Variants in PHKA2 observed in about 807,000 individuals in gnomAD.
PHKA2 encodes phosphorylase b kinase regulatory subunit alpha, liver isoform.
Under a neutral mutation model 102.0 loss-of-function variants are expected in PHKA2, and 31 were observed. That is an observed-to-expected ratio of 0.30 (90% CI 0.23 to 0.41). The LOEUF (loss-of-function observed/expected upper bound fraction) is 0.41. Ranked by LOEUF, PHKA2 falls within the 10% of genes least tolerant of loss-of-function variation. The pLI, the probability that PHKA2 is intolerant of heterozygous loss-of-function variation, is 1.00. For synonymous variants in PHKA2, 455 were observed against 416.2 expected, an observed-to-expected ratio of 1.09 and a Z score of -1.13; for missense variants, 858 against 1,023.1, an observed-to-expected ratio of 0.84 and a Z score of 2.20.
chrX:18,978,934 G>A (rs1289329613), intron 1 of PHKA2, among the ~76,000 whole-genome samples: 2 of 110,186 alleles, frequency 1.8e-5, no homozygotes, highest in Non-Finnish European at 3.8e-5. Flanking sequence ...GAGGTCAGGA[G>A]TTCAAGACCA....
chrX:18,921,964 C>T (rs1285557714), intron 17 of PHKA2, among the ~76,000 whole-genome samples: 5 of 112,548 alleles, frequency 4.4e-5, no homozygotes, highest in African/African-American at 6.5e-5. Flanking sequence ...ATTTATTTTG[C>T]GGCTGGGCAC....
At chrX:18,923,934 C>T (rs2048167125) in intron 17 of PHKA2, 122 bp downstream of exon 17, 2 of 569,033 alleles carry the variant, frequency 3.5e-6, no homozygotes, top group Non-Finnish European at 6.2e-6. Flanking sequence ...TACCTTCCTG[C>T]TTACTCTAAA....
intron 1 of PHKA2, among the ~76,000 whole-genome samples, chrX:18,983,642 T>C (rs1436684499): frequency 8.9e-6 from 1 of 112,362 alleles, no homozygotes; most frequent in Non-Finnish European, 1.9e-5. Flanking sequence ...CAAAGAATTC[T>C]GTGAAAAGTA....
chrX:18,893,806 T>C (rs1253087195), intron 32 of PHKA2, 151 bp from the exon 33 acceptor site: 5 of 543,302 alleles, frequency 9.2e-6, no homozygotes, highest in African/African-American at 6.8e-5. Flanking sequence ...TCTGAGGGCA[T>C]GAGGGCACGA....
At chrX:18,975,734 C>G (rs1208537636) in intron 1 of PHKA2, among the ~76,000 whole-genome samples, 1 of 111,048 alleles carries the variant, frequency 9.0e-6, no homozygotes, top group East Asian at 2.8e-4. Context: ...CTCCAAATCT[C>G]ACCATTCCAC....
At chrX:18,947,182 A>G (rs1304353384) in intron 5 of PHKA2, among the ~76,000 whole-genome samples, 1 of 112,256 alleles carries the variant, frequency 8.9e-6, no homozygotes, top group Non-Finnish European at 1.9e-5. Flanking sequence ...ACAAAGGCAG[A>G]GCCAAGTAGC....
intron 19 of PHKA2, among the ~76,000 whole-genome samples, chrX:18,911,996 C>T (rs770683923): frequency 2.7e-5 from 3 of 111,955 alleles, no homozygotes; most frequent in African/African-American, 9.7e-5. Flanking sequence ...GGCAGTAGGG[C>T]TTGTTTTTCA....
chrX:18,962,975 G>C (rs1336482832), intron 1 of PHKA2, among the ~76,000 whole-genome samples: 1 of 112,384 alleles, frequency 8.9e-6, no homozygotes, highest in Non-Finnish European at 1.9e-5. Context: ...GTTAAGGGGA[G>C]GCTTCAAAGA....
intron 19 of PHKA2, among the ~76,000 whole-genome samples, chrX:18,914,979 A>G (rs1313282248): frequency 8.9e-6 from 1 of 111,890 alleles, no homozygotes; most frequent in African/African-American, 3.3e-5. Context: ...GGGAATGGAA[A>G]CCATTCAAAG....
chrX:18,944,853 C>T lies in PHKA2; in HGVS notation c.618+225G>A, dbSNP rs73443463. On this transcript the variant is annotated intron_variant, in intron 6 of 32. Coordinates refer to ENST00000379942, the MANE Select transcript of PHKA2 (RefSeq NM_000292.3). ...GGGTGATGGCAGCAGCTAACCAGGA[C>T]GGAGCACTCTTACTTTCTGCCATGG... Among the ~76,000 whole-genome samples the T allele has an allele frequency of 5.4e-3, 605 of 112,346 alleles. 5 individuals are homozygous for T. The highest frequency in any genetic ancestry group is 0.018 in the African/African-American group (547 of 30,948).
chrX:18,972,334 G>A (rs1356838753), intron 1 of PHKA2, among the ~76,000 whole-genome samples: 1 of 112,181 alleles, frequency 8.9e-6, no homozygotes, highest in Non-Finnish European at 1.9e-5. Context: ...AATCTGGTAA[G>A]GCATTCCTTC....
intron 29 of PHKA2, chrX:18,897,577 C>A (rs1271673494): frequency 2.4e-6 from 1 of 412,740 alleles, no homozygotes; most frequent in Non-Finnish European, 4.2e-6. Context: ...GTCCCACCCC[C>A]AAAGCTAGAA....
chrX:18,964,572 G>A, intron 1 of PHKA2, among the ~76,000 whole-genome samples: 1 of 112,407 alleles, frequency 8.9e-6, no homozygotes, highest in Non-Finnish European at 1.9e-5. Context: ...GAAAAATCCT[G>A]TTACAATAAC....
chrX:18,922,737 C>T (rs933246063), intron 17 of PHKA2, among the ~76,000 whole-genome samples: 1 of 111,508 alleles, frequency 9.0e-6, no homozygotes, highest in African/African-American at 3.3e-5. Flanking sequence ...AATGGGTGTA[C>T]AGTTTTACTT....
intron 1 of PHKA2, among the ~76,000 whole-genome samples, chrX:18,958,860 C>T (rs967428382): frequency 9.0e-6 from 1 of 111,118 alleles, no homozygotes; most frequent in Non-Finnish European, 1.9e-5. Context: ...CAGGCACATG[C>T]CACCACACCC....
At chrX:18,896,739 T>G in intron 30 of PHKA2, 1 of 212,080 alleles carries the variant, frequency 4.7e-6, no homozygotes, top group Non-Finnish European at 8.8e-6. Context: ...TTTTACAGGG[T>G]TTTCATCTGA....
At chrX:18,907,322 C>T (rs758641803) in intron 22 of PHKA2, among the ~76,000 whole-genome samples, 3 of 112,603 alleles carry the variant, frequency 2.7e-5, no homozygotes, top group South Asian at 7.4e-4. Context: ...TGTGTGGCCC[C>T]AAGCCTGGCT....
In PHKA2 at chrX:18,906,501, A is replaced by C. The variant is rs1296491621; in HGVS notation, c.2800T>G (p.Cys934Gly). 7.4e-6 allele frequency: 9 copies of C among 1,210,896 alleles called. No homozygotes were observed. The Admixed American group carries it at 1.7e-4, about 23-fold the overall frequency. ...MATELARSLN[C>G]SGEEASESLM... The stretch of plus-strand genomic sequence containing the variant: ...GGAGCTGCGGGCATCTCACCTGAGC[A>C]GTTCAGGCTCCGTGCCAGCTCCGTG... The change falls in exon 25 of 33, where the codon TGC (cysteine) becomes GGC (glycine). Residue 934 changes from cysteine (C) to glycine (G), a missense_variant. By Grantham distance (159) the Cys-to-Gly change is radical. Around this residue, in one of 2 missense-constraint regions of PHKA2, gnomAD observed 671 missense variants for 745.2 expected, o/e 0.90. Transcript: ENST00000379942.
Position 18,906,798 on chromosome X carries a change from C to T in PHKA2, c.2614G>A (p.Glu872Lys). The T allele has an allele frequency of 8.3e-7, 1 of 1,209,974 alleles. No homozygotes were observed. Among genetic ancestry groups the T allele is most frequent in the Non-Finnish European group, 1.1e-6 (1 of 893,671 alleles). Reference protein sequence around the residue: ...KIISAPLPPEELTKLIYEASG... With the variant: ...KIISAPLPPEKLTKLIYEASG... ...GCCTCGTAGATGAGTTTTGTGAGCT[C>T]CTCTGGGGGAAGGGGCCTAGAAAGG... Residue 872 changes from glutamate (E) to lysine (K), a missense_variant, in exon 24 of 33, where the codon GAG (glutamate) becomes AAG (lysine). Glu to Lys is a moderately conservative substitution (Grantham distance 56). This residue lies in a region of PHKA2 where 671 missense variants were observed against 745.2 expected (regional missense o/e 0.90). Coordinates refer to ENST00000379942, the MANE Select transcript of PHKA2 (RefSeq NM_000292.3).
Sources: allele counts gnomAD v4.1 joint callset (sites outside exome capture counted in the v4.1 genomes callset), GRCh38; gene constraint gnomAD v4.1.1; regional missense constraint gnomAD v4.1.1; transcripts MANE v1.5; gene names NCBI Gene and HGNC (gene_info 2026-07-23, HGNC 2026-07-21).